Variants in VWA3B observed in about 807,000 individuals in gnomAD.
The protein encoded by VWA3B is von Willebrand factor A domain-containing protein 3B.
A neutral mutation model predicts 158.3 loss-of-function variants in VWA3B; 138 were observed. The ratio of observed to expected loss-of-function variants is 0.87; its 90% confidence interval spans 0.76 to 1.00. VWA3B has a LOEUF of 1.00. Among genes scored for constraint, VWA3B ranks in the 50% least tolerant of loss-of-function variants. The probability of loss-of-function intolerance (pLI) is 0.00; values close to 1 mark genes in which losing one functional copy is unlikely to be tolerated. For synonymous variants in VWA3B, 596 were observed against 587.3 expected (o/e 1.01, Z -0.21); for missense variants, 1,555 against 1,565.1 (o/e 0.99, Z 0.11).
At chr2:98,136,190 T>C (rs901620826) in intron 7 of VWA3B, among the ~76,000 whole-genome samples, 2 of 152,208 alleles carry the variant, frequency 1.3e-5, no homozygotes, top group Non-Finnish European at 2.9e-5. Flanking sequence ...AAAAAAACTC[T>C]GCAGTTAAGA....
intron 21 of VWA3B, among the ~76,000 whole-genome samples, chr2:98,260,653 C>CGGG (rs1687425285): frequency 6.6e-6 from 1 of 151,706 alleles, no homozygotes; most frequent in African/African-American, 2.4e-5. Context: ...CAAGGCATAA[C>CGGG]TATACATAAC....
chr2:98,235,229 G>A (rs555352158), intron 17 of VWA3B, among the ~76,000 whole-genome samples: 46 of 152,132 alleles, frequency 3.0e-4, no homozygotes, highest in Non-Finnish European at 4.9e-4. Flanking sequence ...GTTTTGAAAC[G>A]TTTGATGCCT....
intron 20 of VWA3B, among the ~76,000 whole-genome samples, chr2:98,252,837 C>T (rs1352978561): frequency 1.3e-5 from 2 of 152,226 alleles, no homozygotes; most frequent in South Asian, 2.1e-4. Context: ...GTCATTTGTC[C>T]TCCTTCTTAC....
intron 11 of VWA3B, among the ~76,000 whole-genome samples, chr2:98,194,089 A>G (rs1681825078): frequency 6.6e-6 from 1 of 152,174 alleles, no homozygotes; most frequent in Admixed American, 6.5e-5. Context: ...TTAATGTCAC[A>G]TTATATATAT....
chr2:98,306,344 T>C (rs1690524769), intron 26 of VWA3B, among the ~76,000 whole-genome samples: 1 of 152,148 alleles, frequency 6.6e-6, no homozygotes, highest in Non-Finnish European at 1.5e-5. Context: ...AGGGTCCAGC[T>C]CACAGAATGC....
chr2:98,236,595 A>G lies in VWA3B; in HGVS notation c.2538A>G (p.Glu846=), dbSNP rs1390524293. 6.2e-7 allele frequency: 1 copy of G among 1,614,210 alleles called. No homozygotes were observed. Among genetic ancestry groups the G allele is most frequent in the South Asian group, 1.1e-5 (1 of 91,074 alleles). Reference sequence around the variant, plus strand: ...TTAGTTCTTCAGATGTGTCTTCAGAAAACTGGCTGAAGACCTATGGCTTGG... The same window carrying G: ...TTAGTTCTTCAGATGTGTCTTCAGAGAACTGGCTGAAGACCTATGGCTTGG... ...YDHDSSDVSS[E]NWLKTYGLVA... Residue 846 remains glutamate, a synonymous_variant, in exon 19 of 28, where the codon GAA becomes GAG. Transcript: ENST00000477737.
chr2:98,327,791 G>A, the VWA3B span, among the ~76,000 whole-genome samples: 4 of 152,072 alleles, frequency 2.6e-5, no homozygotes, highest in African/African-American at 9.7e-5. Flanking sequence ...TCAAATTTTT[G>A]CACATCCAAT....
At position 98,140,065 on chromosome 2, in the gene VWA3B, C is replaced by T. The variant is rs562487754; in HGVS notation, c.988+6126C>T. On this transcript the variant is annotated intron_variant, in intron 7 of 27. Coordinates refer to ENST00000477737, the MANE Select transcript of VWA3B (RefSeq NM_144992.5). The stretch of plus-strand genomic sequence containing the variant: ...CTGTAACACTCACCGTGAAGGTCTG[C>T]GGCTTCACTCCTGAGCCAGCGAGAC... Among the ~76,000 whole-genome samples the T allele has an allele frequency of 5.9e-5, 9 of 152,156 alleles. No individual in the cohort carries two copies. In the East Asian group the frequency reaches 1.2e-3, roughly 20 times the overall value.
At chr2:98,178,938 C>T (rs921433405) in intron 8 of VWA3B, among the ~76,000 whole-genome samples, 2 of 152,202 alleles carry the variant, frequency 1.3e-5, no homozygotes, top group Non-Finnish European at 2.9e-5. Context: ...CCTTCTGCGT[C>T]TTCGTAGGGC....
chr2:98,265,542 C>A (rs1359883413), intron 21 of VWA3B, among the ~76,000 whole-genome samples: 1 of 151,872 alleles, frequency 6.6e-6, no homozygotes, highest in African/African-American at 2.4e-5. Flanking sequence ...GATTTATAGA[C>A]CTTTGGGTAT....
chr2:98,272,617 C>T (rs187432828), intron 22 of VWA3B, among the ~76,000 whole-genome samples: 7 of 152,234 alleles, frequency 4.6e-5, no homozygotes, highest in Admixed American at 2.6e-4. Flanking sequence ...TTGGTCTTTC[C>T]GGTGACCAGC....
chr2:98,119,233 C>T lies in VWA3B; in HGVS notation c.292-280C>T, dbSNP rs118131460. ...TTCTTAAGAGTACCCTGGGCTTTTT[C>T]TGATAAAGATAATCTGTAACTATAA... is the stretch of plus-strand genomic sequence containing the variant. On this transcript the variant is annotated intron_variant, in intron 3 of 27. Transcript: ENST00000477737. 5.1e-3 allele frequency among the ~76,000 whole-genome samples: 782 copies of T among 152,304 alleles called. 16 individuals are homozygous for T. In the East Asian group the frequency reaches 0.088, roughly 17 times the overall value.
At chr2:98,129,966 A>G (rs1261487445) in intron 6 of VWA3B, among the ~76,000 whole-genome samples, 8 of 152,204 alleles carry the variant, frequency 5.3e-5, no homozygotes, top group African/African-American at 1.9e-4. Flanking sequence ...AAAGAGACAC[A>G]AAGTATAGAG....
At chr2:98,247,375 C>T (rs1686468868) in intron 19 of VWA3B, among the ~76,000 whole-genome samples, 1 of 152,100 alleles carries the variant, frequency 6.6e-6, no homozygotes, top group African/African-American at 2.4e-5. Flanking sequence ...ATTTTAGTAC[C>T]TTTTAATTAG....
rs1344872274 is a variant in VWA3B, at chr2:98,312,047, G to A, written c.3735+15G>A. On this transcript the variant is annotated intron_variant, in intron 27 of 27. Coordinates refer to ENST00000477737, the MANE Select transcript of VWA3B (RefSeq NM_144992.5). ...CCGAGCCCAGGGTTTGGGTGATGGG[G>A]GGGGAACACAACATCGCTTATCTCA... The A allele has an allele frequency of 1.9e-6, 3 of 1,592,280 alleles. No individual in the cohort carries two copies. Among genetic ancestry groups the A allele is most frequent in the East Asian group, 2.3e-5 (1 of 43,760 alleles).
chr2:98,186,882 C>T (rs1008714164), intron 9 of VWA3B, among the ~76,000 whole-genome samples: 1 of 152,126 alleles, frequency 6.6e-6, no homozygotes, highest in Non-Finnish European at 1.5e-5. Flanking sequence ...AGAGCAAAAG[C>T]CAGCTCATTT....
chr2:98,194,598 A>T (rs186961152), intron 12 of VWA3B, 106 bp downstream of exon 12: 1 of 1,413,348 alleles, frequency 7.1e-7, no homozygotes, highest in Non-Finnish European at 9.6e-7. Context: ...CACTCTCAGG[A>T]TGGAAGTGGC....
intron 9 of VWA3B, among the ~76,000 whole-genome samples, chr2:98,182,731 C>T (rs1293661554): frequency 6.6e-6 from 1 of 151,994 alleles, no homozygotes; most frequent in Non-Finnish European, 1.5e-5. Context: ...ACCAGCCTGG[C>T]CAACATGGTG....
intron 20 of VWA3B, among the ~76,000 whole-genome samples, chr2:98,253,252 G>A (rs1294594861): frequency 6.6e-6 from 1 of 152,094 alleles, no homozygotes; most frequent in Non-Finnish European, 1.5e-5. Context: ...TTTCTAAGGA[G>A]TTTTCCAACA....
Sources: gnomAD v4.1 joint callset for allele counts (sites outside exome capture counted in the v4.1 genomes callset) on GRCh38, gnomAD v4.1.1 for gene constraint, MANE v1.5 for transcripts, NCBI Gene and HGNC (gene_info 2026-07-23, HGNC 2026-07-21) for gene names.